The following PHF2 variants were observed in gnomAD, a reference collection of about 807,000 sequenced individuals.
The protein encoded by PHF2 is PHD finger protein 2, also known as lysine-specific demethylase PHF2.
A neutral mutation model predicts 120.5 loss-of-function variants in PHF2; 27 were observed. The ratio of observed to expected loss-of-function variants is 0.22; its 90% CI spans 0.17 to 0.31. The LOEUF (loss-of-function observed/expected upper bound fraction) is 0.31, where lower values mean the gene tolerates loss of function less well. Ranked by LOEUF, PHF2 falls within the 10% of genes least tolerant of loss-of-function variation. The pLI, the probability that PHF2 is intolerant of heterozygous loss-of-function variation, is 1.00. For missense variants in PHF2, 1,024 were observed against 1,434.8 expected (o/e 0.71, Z 4.63); for synonymous variants, 568 against 592.5 (o/e 0.96, Z 0.60).
chr9:93,663,711 C>T, intron 14 of PHF2, 76 bp downstream of exon 14: 1 of 792,020 alleles, frequency 1.3e-6, no homozygotes, highest in Non-Finnish European at 2.2e-6. Context: ...CTGCATCACA[C>T]CCACTGCCTT....
intron 1 of PHF2, among the ~76,000 whole-genome samples, chr9:93,622,133 A>G (rs527635234): frequency 3.3e-5 from 5 of 152,164 alleles, no homozygotes; most frequent in African/African-American, 9.6e-5. Flanking sequence ...GCTATATCAC[A>G]GGGAGGGGTG....
chr9:93,675,553 G>C, intron 19 of PHF2, 127 bp from the exon 20 acceptor site: 1 of 701,796 alleles, frequency 1.4e-6, no homozygotes, highest in Non-Finnish European at 2.4e-6. Context: ...TCACAGCCAG[G>C]AATCCCTGTG....
At chr9:93,631,508 G>A (rs887063723) in intron 2 of PHF2, among the ~76,000 whole-genome samples, 1 of 152,208 alleles carries the variant, frequency 6.6e-6, no homozygotes, top group Non-Finnish European at 1.5e-5. Flanking sequence ...ATCTGCCTAC[G>A]GCAAGCTCAT....
At chr9:93,636,785 G>C (rs546139077) in intron 3 of PHF2, among the ~76,000 whole-genome samples, 1 of 152,346 alleles carries the variant, frequency 6.6e-6, no homozygotes, top group Admixed American at 6.5e-5. Context: ...CTCCCGCTGG[G>C]TGGAAGGGAC....
rs1826936366 is a variant in PHF2, at chr9:93,677,302, G to A, written c.3203-286G>A. 6.6e-6 allele frequency among the ~76,000 whole-genome samples: 1 copy of A among 151,744 alleles called. No individual in the cohort carries two copies. The highest frequency in any genetic ancestry group is 2.1e-4 in the South Asian group (1 of 4,772). On this transcript the variant is annotated intron_variant, in intron 21 of 21. Coordinates refer to ENST00000359246, the MANE Select transcript of PHF2 (RefSeq NM_005392.4). This position sits in a 1 kb window ranked among gnomAD's most constrained non-coding sequence, Gnocchi z 4.4. ...TCCTGGCCTTGTTACTGGGGGTGGT[G>A]CCCAGGCATCCTCATGTCCTCCTCA...
At position 93,614,519 on chromosome 9, in the gene PHF2, C is replaced by A. The variant is rs150434850; in HGVS notation, c.99-15451C>A. 4.1e-3 allele frequency among the ~76,000 whole-genome samples: 619 copies of A among 152,308 alleles called. 3 individuals carry two copies. The highest frequency in any genetic ancestry group is 0.014 in the African/African-American group (588 of 41,558). Reference sequence around the variant, plus strand: ...GAAGAAACTTTGGGTGAAGTGGGGGCACAGCCCAGCTGGACAGAGGCTGCC... The same window carrying A: ...GAAGAAACTTTGGGTGAAGTGGGGGAACAGCCCAGCTGGACAGAGGCTGCC... On this transcript the variant is annotated intron_variant, in intron 1 of 21. Transcript: ENST00000359246.
intron 1 of PHF2, among the ~76,000 whole-genome samples, chr9:93,604,946 C>G (rs568635543): frequency 6.6e-6 from 1 of 152,290 alleles, no homozygotes; most frequent in South Asian, 2.1e-4. Context: ...TCCCCAGAAT[C>G]TTTCCTTTAG....
chr9:93,609,153 C>T (rs1825593825), intron 1 of PHF2, among the ~76,000 whole-genome samples: 1 of 144,456 alleles, frequency 6.9e-6, no homozygotes, highest in Non-Finnish European at 1.6e-5. Flanking sequence ...CTTTCAAATA[C>T]TTAGCACTCT....
chr9:93,591,519 G>A (rs1348074448), intron 1 of PHF2, among the ~76,000 whole-genome samples: 2 of 152,140 alleles, frequency 1.3e-5, no homozygotes, highest in African/African-American at 4.8e-5. Context: ...GCGGGAAACT[G>A]AAGCTGCACA....
At chr9:93,651,849 G>GC (rs1276914334) in intron 5 of PHF2, among the ~76,000 whole-genome samples, 3 of 152,172 alleles carry the variant, frequency 2.0e-5, no homozygotes, top group Non-Finnish European at 4.4e-5. Flanking sequence ...GGACAGCCTG[G>GC]CCCCCTGTGG....
chr9:93,645,614 T>C lies in PHF2; in HGVS notation c.300-15T>C, dbSNP rs780426894. The C allele has an allele frequency of 1.2e-5, 19 of 1,564,372 alleles. No individual in the cohort carries two copies. In the Admixed American group the frequency reaches 3.1e-4, roughly 25 times the overall value. The stretch of plus-strand genomic sequence containing the variant: ...CTCGGGCCCAATGTGGCCTCTGACC[T>C]GTGCTTCCCTGCAGTGCTGAAGACG... On this transcript the variant is annotated splice_polypyrimidine_tract_variant and intron_variant, in intron 3 of 21. Transcript: ENST00000359246.
chr9:93,672,398 G>T (rs1259840641), intron 17 of PHF2: 1 of 329,074 alleles, frequency 3.0e-6, no homozygotes, highest in Non-Finnish European at 3.7e-6. Flanking sequence ...AGGCACAGGT[G>T]CAGGTGCAGG....
At chr9:93,672,636 G>T in intron 17 of PHF2, 1 of 984,910 alleles carries the variant, frequency 1.0e-6, no homozygotes, top group East Asian at 1.1e-4. Flanking sequence ...GTAGATGCAG[G>T]TGCGGGGGTG....
At chr9:93,649,978 C>A (rs1159146433) in intron 5 of PHF2, among the ~76,000 whole-genome samples, 1 of 151,816 alleles carries the variant, frequency 6.6e-6, no homozygotes, top group African/African-American at 2.4e-5. Flanking sequence ...ATGACACACA[C>A]TCAGTACTCA....
intron 19 of PHF2, 37 bp from the exon 20 acceptor site, chr9:93,675,643 C>T: frequency 6.6e-7 from 1 of 1,525,858 alleles, no homozygotes. Context: ...CAGGCTGTGG[C>T]CTACAGCTTG....
chr9:93,614,941 A>G (rs1014275971), intron 1 of PHF2, among the ~76,000 whole-genome samples: 9 of 150,032 alleles, frequency 6.0e-5, no homozygotes, highest in African/African-American at 2.0e-4. Context: ...GATGATGGCA[A>G]TGGTGATGAT....
chr9:93,631,296 G>A (rs1322785389), intron 2 of PHF2, among the ~76,000 whole-genome samples: 1 of 152,096 alleles, frequency 6.6e-6, no homozygotes, highest in East Asian at 1.9e-4. Context: ...ACAGCGGTGG[G>A]GGCTGCATGT....
In PHF2 at chr9:93,649,191, A is replaced by G; in HGVS notation, c.581A>G (p.Asn194Ser). ...CGCAAGCGGGTCCTCAACGTCACCA[A>G]CCTCGAGTTCTCTGACACCCGGTGA... Reference protein sequence around the residue: ...TNRKRVLNVTNLEFSDTRMSS... With the variant: ...TNRKRVLNVTSLEFSDTRMSS... Residue 194 changes from asparagine (N) to serine (S), a missense_variant, in exon 5 of 22, where the codon AAC becomes AGC. Physicochemically the swap from Asn to Ser is conservative, Grantham distance 46 (BLOSUM62 1). Transcript: ENST00000359246. 2.1e-6 allele frequency: 3 copies of G among 1,451,362 alleles called. No individual in the cohort carries two copies. In the Middle Eastern group the frequency reaches 5.5e-4, roughly 266 times the overall value. The allele number at this position is 1,451,362 out of a possible 1,614,324, so 89.9% of individuals were successfully genotyped here.
At chr9:93,620,200 C>T (rs1825802832) in intron 1 of PHF2, among the ~76,000 whole-genome samples, 1 of 152,228 alleles carries the variant, frequency 6.6e-6, no homozygotes, top group African/African-American at 2.4e-5. Flanking sequence ...GCTCCAGCTC[C>T]TGTTCCCAGG....
Sources: allele counts gnomAD v4.1 joint callset (sites outside exome capture counted in the v4.1 genomes callset), GRCh38; gene constraint gnomAD v4.1.1; non-coding constraint Gnocchi (gnomAD v3.1); transcripts MANE v1.5; gene names NCBI Gene and HGNC (gene_info 2026-07-23, HGNC 2026-07-21).